Variants in HTT observed in about 807,000 individuals in gnomAD.
HTT encodes the protein huntingtin.
In HTT, 104 loss-of-function variants were observed where a neutral mutation model predicts 362.3. That is an observed-to-expected ratio of 0.29 (90% CI 0.24 to 0.34). The LOEUF is 0.34. Among genes scored for constraint, HTT ranks in the 10% least tolerant of loss-of-function variants. The pLI, the probability that HTT is intolerant of heterozygous loss-of-function variation, is 1.00. For synonymous variants in HTT, 1,577 were observed against 1,548.7 expected (o/e 1.02, Z -0.43); for missense variants, 3,301 against 3,928.6 (o/e 0.84, Z 4.27).
At chr4:3,201,170 A>AC (rs1205357220) in intron 41 of HTT, among the ~76,000 whole-genome samples, 1 of 152,196 alleles carries the variant, frequency 6.6e-6, no homozygotes, top group East Asian at 1.9e-4. Flanking sequence ...CTGTTTCGTG[A>AC]CCCCCTCTGA....
chr4:3,140,706 T>C, intron 22 of HTT, 50 bp downstream of exon 22: 1 of 1,552,766 alleles, frequency 6.4e-7, no homozygotes, highest in Non-Finnish European at 8.8e-7. Context: ...TGCCCTTTCC[T>C]GATGCCTTTC....
chr4:3,127,100 G>A (rs1343872725), intron 11 of HTT, among the ~76,000 whole-genome samples, 164 bp from the exon 12 acceptor site: 1 of 152,236 alleles, frequency 6.6e-6, no homozygotes, highest in Admixed American at 6.5e-5. Context: ...CAGTGTGAGA[G>A]ATGCTTGAAG....
chr4:3,239,860 T>G lies in HTT; in HGVS notation c.9230T>G (p.Ile3077Ser). ...TCCTGCACCAGCCTCCCACATGTCATCAGCAGGATGGGCAAGCTGGAGCAG... is the reference window on the plus strand; with the variant it reads ...TCCTGCACCAGCCTCCCACATGTCAGCAGCAGGATGGGCAAGCTGGAGCAG... The part of the protein sequence containing the change: ...PWVAAILPHV[I>S]SRMGKLEQVD... The change falls in exon 67 of 67, where the codon ATC becomes AGC. Residue 3077 changes from isoleucine (I) to serine (S), a missense_variant. Physicochemically the swap from Ile to Ser is moderately radical, Grantham distance 142 (BLOSUM62 -2). Coordinates refer to ENST00000355072, the MANE Select transcript of HTT (RefSeq NM_001388492.1). 1 of 1,558,656 alleles carries G rather than the reference T, an allele frequency of 6.4e-7. No homozygotes were observed. The highest frequency in any genetic ancestry group is 2.4e-5 in the East Asian group (1 of 41,982).
intron 9 of HTT, among the ~76,000 whole-genome samples, chr4:3,122,332 TCCTAAGCCACTG>T (rs1715333240): frequency 6.6e-6 from 1 of 152,186 alleles, no homozygotes; most frequent in Non-Finnish European, 1.5e-5. Context: ...CTCCGGCCTC[TCCTAAGCCACTG>T]CAACGTGGTC....
intron 60 of HTT, 23 bp downstream of exon 60, chr4:3,230,065 G>A: frequency 1.2e-6 from 2 of 1,608,434 alleles, no homozygotes; most frequent in Non-Finnish European, 1.7e-6. Context: ...TGGCACAGAG[G>A]TTTCTGTGCT....
Position 3,145,221 on chromosome 4 carries a change from C to T in HTT, c.3136C>T (p.His1046Tyr), listed in dbSNP as rs376638534. 5 of 1,607,580 alleles carry T rather than the reference C, an allele frequency of 3.1e-6. No homozygotes were observed. In the African/African-American group the frequency reaches 5.3e-5, roughly 17 times the overall value. Residue 1046 changes from histidine (H) to tyrosine (Y), a missense_variant, in exon 24 of 67, where the codon CAC (histidine) becomes TAC (tyrosine). By Grantham distance (83) the His-to-Tyr change is moderately conservative. Transcript: ENST00000355072. The part of the protein sequence containing the change: ...FPVCIWSLGW[H>Y]CGVPPLSASD... ...AGTTTGCATTTGGAGTTTAGGTTGG[C>T]ACTGTGGGTATGTATTTTCCTCAGT...
intron 37 of HTT, among the ~76,000 whole-genome samples, chr4:3,185,916 G>A (rs1480024457): frequency 2.0e-5 from 3 of 151,916 alleles, no homozygotes. Context: ...GAGAGAGGGA[G>A]GGAGGAAGGA....
intron 41 of HTT, among the ~76,000 whole-genome samples, chr4:3,200,521 C>A (rs868426168): frequency 1.3e-5 from 2 of 152,200 alleles, no homozygotes; most frequent in Non-Finnish European, 2.9e-5. Flanking sequence ...GTGACCACCC[C>A]CAACCCTGGC....
chr4:3,166,196 C>T (rs1019173371), intron 29 of HTT, among the ~76,000 whole-genome samples: 2 of 152,206 alleles, frequency 1.3e-5, no homozygotes, highest in Non-Finnish European at 2.9e-5. Flanking sequence ...TTGGAGTTTG[C>T]TGGAGGTCCA....
intron 53 of HTT, among the ~76,000 whole-genome samples, chr4:3,222,184 C>T (rs916874752): frequency 6.6e-6 from 1 of 152,202 alleles, no homozygotes; most frequent in Non-Finnish European, 1.5e-5. Context: ...ACAGTGCAGC[C>T]GATGTCTATA....
rs1348673551 is a variant in HTT, at chr4:3,142,755, TTTG to T, written c.2946-8_2946-6del. 1.5e-6 allele frequency: 2 copies of T among 1,377,466 alleles called. No homozygotes were observed. The highest frequency in any genetic ancestry group is 2.9e-5 in the African/African-American group (2 of 69,746). 85.3% of individuals were successfully genotyped at this position (1,377,466 alleles called of 1,614,324 possible). On this transcript the variant is annotated splice_region_variant and splice_polypyrimidine_tract_variant and intron_variant, in intron 22 of 66. Coordinates refer to ENST00000355072, the MANE Select transcript of HTT (RefSeq NM_001388492.1). ...ATAGTGTATTTTAAGTCTCTATATT[TTTG>T]TTATTAGAATATATAGAGGCTATAA...
At chr4:3,141,552 C>T (rs1397472343) in intron 22 of HTT, among the ~76,000 whole-genome samples, 1 of 152,204 alleles carries the variant, frequency 6.6e-6, no homozygotes, top group Non-Finnish European at 1.5e-5. Flanking sequence ...CGCTTGAGCT[C>T]AGGGGTTCAA....
chr4:3,183,244 G>A (rs1718610707), intron 37 of HTT, among the ~76,000 whole-genome samples: 1 of 152,232 alleles, frequency 6.6e-6, no homozygotes, highest in Non-Finnish European at 1.5e-5. Flanking sequence ...CACAACTGCA[G>A]TGGAAGGAAA....
intron 10 of HTT, 21 bp downstream of exon 10, chr4:3,122,957 A>G: frequency 6.3e-7 from 1 of 1,595,416 alleles, no homozygotes; most frequent in Non-Finnish European, 8.6e-7. Context: ...CAGAAATCAG[A>G]GTCTTGTGTT....
At chr4:3,230,071 G>T in intron 60 of HTT, 29 bp downstream of exon 60, 1 of 1,606,366 alleles carries the variant, frequency 6.2e-7, no homozygotes, top group Non-Finnish European at 8.5e-7. Context: ...AGAGGTTTCT[G>T]TGCTGAAGCC....
At chr4:3,131,458 G>C in intron 15 of HTT, 61 bp downstream of exon 15, 1 of 1,495,644 alleles carries the variant, frequency 6.7e-7, no homozygotes, top group African/African-American at 1.4e-5. Context: ...AGGTCAGCTT[G>C]GTGGCCTGTT....
At chr4:3,117,110 C>T (rs1004612093) in intron 8 of HTT, among the ~76,000 whole-genome samples, 5 of 152,154 alleles carry the variant, frequency 3.3e-5, no homozygotes, top group Non-Finnish European at 4.4e-5. Context: ...GTAAGTGCTG[C>T]GTGTTGATAA....
rs528322505 is a variant in HTT at position 3,106,846 on chromosome 4, GGTGAA to G, written c.609-438_609-434del. On this transcript the variant is annotated intron_variant, in intron 5 of 66. Transcript: ENST00000355072. ...GCCTGCCCTGTCACTCTGTGTGTTGGGTGAATTCCTGTGATCTGTGACTCACTGCT... is the reference window on the plus strand; with the variant it reads ...GCCTGCCCTGTCACTCTGTGTGTTGGTTCCTGTGATCTGTGACTCACTGCT... Among the ~76,000 whole-genome samples, 33 of 152,236 alleles carry G rather than the reference GGTGAA, an allele frequency of 2.2e-4. No individual in the cohort carries two copies. In the South Asian group the frequency reaches 6.6e-3, roughly 31 times the overall value.
At chr4:3,239,400 C>G (rs906437931) in intron 66 of HTT, among the ~76,000 whole-genome samples, 1 of 145,326 alleles carries the variant, frequency 6.9e-6, no homozygotes, top group Non-Finnish European at 1.6e-5. Context: ...GTTCCCACCC[C>G]CAGATGCTGG....
Sources: allele counts gnomAD v4.1 joint callset (sites outside exome capture counted in the v4.1 genomes callset), GRCh38; gene constraint gnomAD v4.1.1; transcripts MANE v1.5; gene names NCBI Gene and HGNC (gene_info 2026-07-23, HGNC 2026-07-21).